SPMIP6: variants seen among roughly 807,000 people sequenced by gnomAD.
SPMIP6 encodes ciliated bronchial epithelial protein 1.
chr9:34,397,808 C>T, the SPMIP6 span: 1 of 628,952 alleles, frequency 1.6e-6, no homozygotes, highest in Non-Finnish European at 2.7e-6. Context: ...CCTTCCTGCT[C>T]CCACCCCACA....
At chr9:34,381,687 C>T in the SPMIP6 span, 2 of 1,391,010 alleles carry the variant, frequency 1.4e-6, no homozygotes, top group East Asian at 5.2e-5. The surrounding 1 kb of genome is among the most constrained non-coding windows in gnomAD (Gnocchi z 4.4). Flanking sequence ...GGGCCTGTGA[C>T]AACCCTGTCT....
the SPMIP6 span, among the ~76,000 whole-genome samples, chr9:34,393,467 T>C: frequency 6.6e-6 from 1 of 152,216 alleles, no homozygotes; most frequent in East Asian, 1.9e-4. Flanking sequence ...TGTCTTATCT[T>C]TCCTTGGTTT....
At chr9:34,385,793 G>T in the SPMIP6 span, 7,241 of 1,611,184 alleles carry the variant, frequency 4.5e-3, 34 homozygotes, top group South Asian at 6.4e-3. Flanking sequence ...TGGGCAAGGG[G>T]AGAGGAGAGA....
chr9:34,394,415 A>G, the SPMIP6 span, among the ~76,000 whole-genome samples: 1 of 152,144 alleles, frequency 6.6e-6, no homozygotes, highest in Non-Finnish European at 1.5e-5. Flanking sequence ...TCGGCCTCCC[A>G]AAGTGCTGGG....
At chr9:34,386,586 T>A in the SPMIP6 span, among the ~76,000 whole-genome samples, 2 of 63,310 alleles carry the variant, frequency 3.2e-5, no homozygotes, top group Admixed American at 1.9e-4. Context: ...AGACTTCGTC[T>A]CAAAAAAAAA....
At chr9:34,379,958 G>C in the SPMIP6 span, among the ~76,000 whole-genome samples, 1 of 152,162 alleles carries the variant, frequency 6.6e-6, no homozygotes, top group Non-Finnish European at 1.5e-5. This position sits in a 1 kb window ranked among gnomAD's most constrained non-coding sequence, Gnocchi z 4.2. Context: ...TGAGGAAAGA[G>C]CGCTGGACCC....
the SPMIP6 span, chr9:34,382,723 C>T: frequency 6.8e-7 from 1 of 1,480,280 alleles, no homozygotes; most frequent in East Asian, 2.3e-5. Flanking sequence ...TGTCCCAGTC[C>T]CCAGACGTCT....
chr9:34,392,556 G>C, the SPMIP6 span, among the ~76,000 whole-genome samples: 1 of 151,112 alleles, frequency 6.6e-6, no homozygotes. This position sits in a 1 kb window ranked among gnomAD's most constrained non-coding sequence, Gnocchi z 4.6. Flanking sequence ...GTCAAATTTG[G>C]ATCAGAGAAA....
At chr9:34,382,546 C>T in the SPMIP6 span, 18 of 563,588 alleles carry the variant, frequency 3.2e-5, no homozygotes, top group South Asian at 3.1e-4. Context: ...GGTTGCGCCA[C>T]TGCGCTCCAG....
At chr9:34,393,291 G>A in the SPMIP6 span, among the ~76,000 whole-genome samples, 6 of 152,164 alleles carry the variant, frequency 3.9e-5, no homozygotes, top group Admixed American at 3.3e-4. Flanking sequence ...TATAGATAAC[G>A]TTTGCTTAAA....
chr9:34,385,867 GAGA>G, the SPMIP6 span: 1 of 1,443,030 alleles, frequency 6.9e-7, no homozygotes, highest in Non-Finnish European at 9.4e-7. Flanking sequence ...AGCCTCTCTT[GAGA>G]AGGTCAGCCC....
At chr9:34,379,745 G>A in the SPMIP6 span, 1 of 1,608,896 alleles carries the variant, frequency 6.2e-7, no homozygotes, top group African/African-American at 1.3e-5. This position sits in a 1 kb window ranked among gnomAD's most constrained non-coding sequence, Gnocchi z 4.2. Flanking sequence ...GGAGAAGGAG[G>A]AAGCCGCGAG....
At chr9:34,379,510 A>G in the SPMIP6 span, 3 of 803,428 alleles carry the variant, frequency 3.7e-6, no homozygotes, top group Non-Finnish European at 6.5e-6. This position sits in a 1 kb window ranked among gnomAD's most constrained non-coding sequence, Gnocchi z 4.2. Flanking sequence ...CCATGCCACT[A>G]GCTCCCCCTC....
chr9:34,379,965 A>G, the SPMIP6 span, among the ~76,000 whole-genome samples: 1 of 151,874 alleles, frequency 6.6e-6, no homozygotes, highest in Non-Finnish European at 1.5e-5. The surrounding 1 kb of genome is among the most constrained non-coding windows in gnomAD (Gnocchi z 4.2). Context: ...AGAGCGCTGG[A>G]CCCTGGGGAA....
At chr9:34,382,668 G>A in the SPMIP6 span, 3 of 844,686 alleles carry the variant, frequency 3.6e-6, no homozygotes, top group African/African-American at 5.0e-5. Flanking sequence ...AGGACCTAAT[G>A]GTGAAATATC....
chr9:34,395,593 A>ACC, the SPMIP6 span, among the ~76,000 whole-genome samples: 2 of 152,040 alleles, frequency 1.3e-5, no homozygotes, highest in Non-Finnish European at 2.9e-5. Context: ...CCCACCATTT[A>ACC]TATGATGATG....
the SPMIP6 span, chr9:34,379,045 C>T: frequency 2.3e-6 from 3 of 1,309,788 alleles, no homozygotes; most frequent in Non-Finnish European, 3.3e-6. This position sits in a 1 kb window ranked among gnomAD's most constrained non-coding sequence, Gnocchi z 4.2. Context: ...TTATTTATTG[C>T]TCTGCCCCCT....
the SPMIP6 span, chr9:34,385,650 A>C: frequency 6.2e-7 from 1 of 1,613,690 alleles, no homozygotes; most frequent in Non-Finnish European, 8.5e-7. Flanking sequence ...CCTCTTGAGA[A>C]AGCCAGTACT....
the SPMIP6 span, among the ~76,000 whole-genome samples, chr9:34,386,587 CAA>C: frequency 0.14 from 17,366 of 127,054 alleles, 1,087 homozygotes; most frequent in South Asian, 0.17. Flanking sequence ...GACTTCGTCT[CAA>C]AAAAAAAAAA....
Sources: gnomAD v4.1 joint callset for allele counts (sites outside exome capture counted in the v4.1 genomes callset) on GRCh38, gnomAD v4.1.1 for gene constraint, Gnocchi (gnomAD v3.1) non-coding constraint, MANE v1.5 for transcripts, NCBI Gene and HGNC (gene_info 2026-07-23, HGNC 2026-07-21) for gene names.